The following CCDC85C variants were observed in gnomAD, a reference collection of about 807,000 sequenced individuals.
The protein encoded by CCDC85C is coiled-coil domain-containing protein 85C.
CCDC85C carries 18 observed loss-of-function variants against 38.3 expected under a neutral mutation model. That is an observed-to-expected ratio of 0.47 (90% confidence interval 0.33 to 0.70). The LOEUF is 0.70. Ranked by LOEUF, CCDC85C falls within the 30% of genes least tolerant of loss-of-function variation. The probability of loss-of-function intolerance (pLI) is 0.03; values close to 1 mark genes in which losing one functional copy is unlikely to be tolerated. For missense variants in CCDC85C, 566 were observed against 621.2 expected, an observed-to-expected ratio of 0.91 and a Z score of 0.94; for synonymous variants, 264 against 293.8, an observed-to-expected ratio of 0.90 and a Z score of 1.04.
intron 1 of CCDC85C, among the ~76,000 whole-genome samples, chr14:99,553,261 G>A (rs1410003814): frequency 6.6e-6 from 1 of 152,166 alleles, no homozygotes; most frequent in Non-Finnish European, 1.5e-5. Context: ...GACATGGGGA[G>A]AGGAATGTCA....
rs911991034 is a variant in CCDC85C at position 99,533,257 on chromosome 14, T to C, written c.867+2758A>G. On this transcript the variant is annotated intron_variant, in intron 2 of 5. Coordinates refer to ENST00000380243, the MANE Select transcript of CCDC85C (RefSeq NM_001144995.2). The surrounding 1 kb of genome is among the most constrained non-coding windows in gnomAD (Gnocchi z 4.2). ...GTACTGGGTATGGCCCTGACAACAC[T>C]TGCTGGGAGCCCCAGGGCAAGACCT... Among the ~76,000 whole-genome samples, 2 of 152,184 alleles carry C rather than the reference T, an allele frequency of 1.3e-5. No individual in the cohort carries two copies. Among genetic ancestry groups the C allele is most frequent in the African/African-American group, 4.8e-5 (2 of 41,450 alleles).
rs960172351 is a variant in CCDC85C at position 99,511,266 on chromosome 14, T to G, written c.*3980A>C. On this transcript the variant is annotated 3_prime_UTR_variant, in exon 6 of 6. Coordinates refer to ENST00000380243, the MANE Select transcript of CCDC85C (RefSeq NM_001144995.2). ...GCAGAAGAACCACATTTTTCATTTA[T>G]AGATGTTTGCATCCTTTGTATTAAA... The G allele has an allele frequency of 2.0e-5, 3 of 152,344 alleles. No individual in the cohort carries two copies. In the South Asian group the frequency reaches 6.2e-4, roughly 32 times the overall value. The allele number at this position is 152,344 out of a possible 1,614,324, so 9.4% of individuals were successfully genotyped here. A position where few individuals can be genotyped will look rare whatever the true frequency, so the allele number is the denominator to read the frequency against.
intron 1 of CCDC85C, among the ~76,000 whole-genome samples, chr14:99,585,215 CAG>C (rs1012679529): frequency 6.6e-6 from 1 of 152,240 alleles, no homozygotes; most frequent in African/African-American, 2.4e-5. Flanking sequence ...CAGTGGTATG[CAG>C]AGACTCTCTG....
rs1188643754 is a variant in CCDC85C, at chr14:99,572,194, G to A, written c.793+30973C>T. 6.6e-6 allele frequency among the ~76,000 whole-genome samples: 1 copy of A among 152,212 alleles called. No individual in the cohort carries two copies. The highest frequency in any genetic ancestry group is 1.5e-5 in the Non-Finnish European group (1 of 68,036). ...TGGTCCCTAGAAAGACCTCCAGGGTGGGCTTCAGTGGCCCTGGCCCCAGCA... is the reference window on the plus strand; with the variant it reads ...TGGTCCCTAGAAAGACCTCCAGGGTAGGCTTCAGTGGCCCTGGCCCCAGCA... On this transcript the variant is annotated intron_variant, in intron 1 of 5. Coordinates refer to ENST00000380243, the MANE Select transcript of CCDC85C (RefSeq NM_001144995.2). The surrounding 1 kb of genome is among the most constrained non-coding windows in gnomAD (Gnocchi z 4.4).
intron 1 of CCDC85C, among the ~76,000 whole-genome samples, chr14:99,594,018 CTGGGGG>C (rs1313873897): frequency 3.3e-4 from 3 of 9,006 alleles, no homozygotes; most frequent in African/African-American, 1.6e-3. Flanking sequence ...TTTGATTTTG[CTGGGGG>C]TGGGGGCGGG....
chr14:99,500,603 T>A lies in CCDC85C; in HGVS notation c.*14643A>T, dbSNP rs1436637136. 4 of 606,560 alleles carry A rather than the reference T, an allele frequency of 6.6e-6. No individual in the cohort carries two copies. Among genetic ancestry groups the A allele is most frequent in the Non-Finnish European group, 1.2e-5 (4 of 341,204 alleles). 37.6% of individuals were successfully genotyped at this position (606,560 alleles called of 1,614,324 possible). On this transcript the variant is annotated 3_prime_UTR_variant, in exon 6 of 6. Coordinates refer to ENST00000380243, the MANE Select transcript of CCDC85C (RefSeq NM_001144995.2). The stretch of plus-strand genomic sequence containing the variant: ...GAGATCTTTTCAGAATTTATCAGTG[T>A]CTCTGAGCATGTTAAAAGTCTGAGT...
chr14:99,553,526 G>A (rs1388211419), intron 1 of CCDC85C, among the ~76,000 whole-genome samples: 3 of 152,226 alleles, frequency 2.0e-5, no homozygotes, highest in East Asian at 1.9e-4. Context: ...CACCACGCCC[G>A]GCTAATTTTT....
In CCDC85C at chr14:99,603,439, GCGCCGCCCC is replaced by G. The variant is rs1235583161; in HGVS notation, c.512_520del (p.Gly171_Gly173del). On this transcript the variant is annotated inframe_deletion, in exon 1 of 6. Transcript: ENST00000380243. This position sits in a 1 kb window ranked among gnomAD's most constrained non-coding sequence, Gnocchi z 7.5. ...GCTGTCGATGGAGCTGCGGGAGCCG[GCGCCGCCCC>G]CGCCGCCGCCGCCACCGCTTGCGGC... 3 of 1,269,160 alleles carry G rather than the reference GCGCCGCCCC, an allele frequency of 2.4e-6. No homozygotes were observed. The highest frequency in any genetic ancestry group is 3.1e-5 in the African/African-American group (2 of 63,550). 78.6% of individuals were successfully genotyped at this position (1,269,160 alleles called of 1,614,324 possible). A position where few individuals can be genotyped will look rare whatever the true frequency, so the allele number is the denominator to read the frequency against.
rs777377146 is a variant in CCDC85C at position 99,510,251 on chromosome 14, GGCCCACCC to G, written c.*4987_*4994del. ...TCCCCAAAGTCCAGATTCCCCCTCC[GGCCCACCC>G]GGCCCCTGTGCACCAGCCACCGCCG... is the stretch of plus-strand genomic sequence containing the variant. On this transcript the variant is annotated 3_prime_UTR_variant, in exon 6 of 6. Coordinates refer to ENST00000380243, the MANE Select transcript of CCDC85C (RefSeq NM_001144995.2). 1.5e-5 allele frequency: 23 copies of G among 1,503,514 alleles called. No individual in the cohort carries two copies. In the Admixed American group the frequency reaches 1.6e-4, roughly 10 times the overall value. 93.1% of individuals were successfully genotyped at this position (1,503,514 alleles called of 1,614,324 possible).
At chr14:99,528,608 T>C (rs1204104092) in intron 2 of CCDC85C, among the ~76,000 whole-genome samples, 1 of 152,112 alleles carries the variant, frequency 6.6e-6, no homozygotes, top group Non-Finnish European at 1.5e-5. Flanking sequence ...TGAGAAGCCC[T>C]GGGATGGGGT....
intron 2 of CCDC85C, chr14:99,534,558 C>T (rs1165373011): frequency 1.1e-5 from 8 of 696,290 alleles, no homozygotes; most frequent in Admixed American, 2.0e-5. Flanking sequence ...TAGCCCCTGC[C>T]ACCACCCAGA....
chr14:99,529,583 T>C (rs1170335436), intron 2 of CCDC85C, among the ~76,000 whole-genome samples: 1 of 152,194 alleles, frequency 6.6e-6, no homozygotes, highest in Non-Finnish European at 1.5e-5. Context: ...TTGTATTTTT[T>C]AGTAGAGACG....
intron 1 of CCDC85C, among the ~76,000 whole-genome samples, chr14:99,583,558 G>T (rs1292709543): frequency 6.7e-6 from 1 of 149,646 alleles, no homozygotes; most frequent in African/African-American, 2.5e-5. Context: ...TGTTATCCCA[G>T]CACTTTGGGA....
chr14:99,594,514 C>T (rs2055122482), intron 1 of CCDC85C, among the ~76,000 whole-genome samples: 1 of 152,242 alleles, frequency 6.6e-6, no homozygotes, highest in African/African-American at 2.4e-5. Context: ...AGGCAAGGAC[C>T]AACCACGAGG....
chr14:99,532,397 T>C (rs116559752), intron 2 of CCDC85C, among the ~76,000 whole-genome samples: 2,393 of 152,356 alleles, frequency 0.016, 63 homozygotes, highest in African/African-American at 0.055. Flanking sequence ...TCTCTGTGCA[T>C]GTGGGTCCTG....
intron 1 of CCDC85C, among the ~76,000 whole-genome samples, chr14:99,592,559 G>A (rs1202141091): frequency 1.3e-5 from 2 of 152,208 alleles, no homozygotes; most frequent in Non-Finnish European, 2.9e-5. Context: ...CAATCCCAGG[G>A]GGAAATCAGA....
intron 1 of CCDC85C, among the ~76,000 whole-genome samples, chr14:99,547,013 T>G (rs1897820591): frequency 6.6e-6 from 1 of 152,122 alleles, no homozygotes. Context: ...GATTTCTTTT[T>G]TTTTAATTTT....
chr14:99,585,183 ATG>A (rs1286872535), intron 1 of CCDC85C, among the ~76,000 whole-genome samples: 1 of 152,204 alleles, frequency 6.6e-6, no homozygotes, highest in Non-Finnish European at 1.5e-5. Flanking sequence ...AACCAATAAC[ATG>A]TCACTGTGGG....
chr14:99,502,093 T>C lies in CCDC85C; in HGVS notation c.*13153A>G. The C allele has an allele frequency of 2.6e-6, 3 of 1,158,262 alleles. No individual in the cohort carries two copies. Among genetic ancestry groups the C allele is most frequent in the Non-Finnish European group, 3.5e-6 (3 of 856,336 alleles). 71.7% of individuals were successfully genotyped at this position (1,158,262 alleles called of 1,614,324 possible). ...AGTTTATTTATTTATAGTACTTTAATTAAATTTAGGGGAGAATAAGCAAAT... is the reference window on the plus strand; with the variant it reads ...AGTTTATTTATTTATAGTACTTTAACTAAATTTAGGGGAGAATAAGCAAAT... On this transcript the variant is annotated 3_prime_UTR_variant, in exon 6 of 6. Transcript: ENST00000380243.
Sources: allele counts gnomAD v4.1 joint callset (sites outside exome capture counted in the v4.1 genomes callset), GRCh38; gene constraint gnomAD v4.1.1; non-coding constraint Gnocchi (gnomAD v3.1); transcripts MANE v1.5; gene names NCBI Gene and HGNC (gene_info 2026-07-23, HGNC 2026-07-21).